The following AMPH variants were observed in gnomAD, a reference collection of about 807,000 sequenced individuals.
AMPH encodes the protein amphiphysin (Stiff-Mann syndrome with breast cancer 128kD autoantigen).
AMPH carries 49 observed loss-of-function variants against 99.1 expected under a neutral mutation model. The ratio of observed to expected loss-of-function variants is 0.49; its 90% CI spans 0.39 to 0.63. The LOEUF is 0.63. AMPH is among the 20% of genes least tolerant of loss of function. The probability of loss-of-function intolerance (pLI) is 0.00; values close to 1 mark genes in which losing one functional copy is unlikely to be tolerated. For missense variants in AMPH, 759 were observed against 863.4 expected, an observed-to-expected ratio of 0.88 and a Z score of 1.52; for synonymous variants, 314 against 317.3, an observed-to-expected ratio of 0.99 and a Z score of 0.11.
At chr7:38,402,799 T>C (rs1416504425) in intron 17 of AMPH, among the ~76,000 whole-genome samples, 1 of 152,232 alleles carries the variant, frequency 6.6e-6, no homozygotes, top group Non-Finnish European at 1.5e-5. Context: ...TTATACTTTG[T>C]TTTATGGAAA....
At chr7:38,429,108 T>A (rs1785899772) in intron 14 of AMPH, 1 of 1,290,212 alleles carries the variant, frequency 7.8e-7, no homozygotes, top group Non-Finnish European at 1.0e-6. Context: ...CTTCTGTTTC[T>A]CTTCCTCTTC....
intron 1 of AMPH, among the ~76,000 whole-genome samples, chr7:38,625,680 G>T (rs1407731171): frequency 6.6e-6 from 1 of 152,126 alleles, no homozygotes; most frequent in East Asian, 1.9e-4. Flanking sequence ...CACAAAAGAA[G>T]ATATCAAAAT....
intron 2 of AMPH, among the ~76,000 whole-genome samples, chr7:38,515,114 A>G (rs1789690068): frequency 6.6e-6 from 1 of 152,224 alleles, no homozygotes; most frequent in Non-Finnish European, 1.5e-5. Context: ...TGTCTCAGAC[A>G]AAAAAGAGGA....
At chr7:38,461,453 A>G in intron 10 of AMPH, 42 bp from the exon 11 acceptor site, 1 of 1,612,634 alleles carries the variant, frequency 6.2e-7, no homozygotes, top group Non-Finnish European at 8.5e-7. Flanking sequence ...GCCAAAGACA[A>G]TGTGTCAGAC....
intron 4 of AMPH, among the ~76,000 whole-genome samples, chr7:38,491,786 A>C (rs1788726789): frequency 6.6e-6 from 1 of 152,196 alleles, no homozygotes; most frequent in Admixed American, 6.5e-5. Flanking sequence ...AACTTGGCCA[A>C]GGTTATAAAG....
At chr7:38,555,007 A>C (rs1302554080) in intron 1 of AMPH, among the ~76,000 whole-genome samples, 1 of 152,214 alleles carries the variant, frequency 6.6e-6, no homozygotes, top group African/African-American at 2.4e-5. Flanking sequence ...GAGCATAAAG[A>C]AAAGTTGCCT....
chr7:38,496,592 G>A (rs565152812), intron 3 of AMPH, among the ~76,000 whole-genome samples: 3 of 152,106 alleles, frequency 2.0e-5, no homozygotes, highest in Non-Finnish European at 4.4e-5. Flanking sequence ...CCAACCCATC[G>A]CACTCTGAAT....
intron 13 of AMPH, among the ~76,000 whole-genome samples, chr7:38,430,221 A>C (rs899451266): frequency 1.3e-5 from 2 of 152,232 alleles, no homozygotes; most frequent in African/African-American, 4.8e-5. Flanking sequence ...AGAGGTCAAG[A>C]AATTACACAG....
At chr7:38,464,712 A>G in intron 9 of AMPH, among the ~76,000 whole-genome samples, 1 of 152,156 alleles carries the variant, frequency 6.6e-6, no homozygotes, top group Non-Finnish European at 1.5e-5. Flanking sequence ...GAGGTTTTGA[A>G]CTTACTCAAG....
At chr7:38,480,140 ATGAG>A (rs983127189) in intron 5 of AMPH, among the ~76,000 whole-genome samples, 1 of 152,152 alleles carries the variant, frequency 6.6e-6, no homozygotes, top group Non-Finnish European at 1.5e-5. Context: ...AACCTACAGA[ATGAG>A]TGTTTCAGGG....
chr7:38,473,812 CA>C (rs1302431593), intron 7 of AMPH, among the ~76,000 whole-genome samples: 2 of 142,576 alleles, frequency 1.4e-5, no homozygotes, highest in Non-Finnish European at 3.0e-5. Flanking sequence ...GCCATAGCAT[CA>C]TATAATTTGT....
chr7:38,503,712 A>T lies in AMPH; in HGVS notation c.151-8T>A. Reference sequence around the variant, plus strand: ...AAGTCTGGTACCCTCTGCCTAAAAAACACAAGCACAGATGCTAAATATCTA... The same window carrying T: ...AAGTCTGGTACCCTCTGCCTAAAAATCACAAGCACAGATGCTAAATATCTA... On this transcript the variant is annotated splice_polypyrimidine_tract_variant and splice_region_variant and intron_variant, in intron 2 of 20. Coordinates refer to ENST00000356264, the MANE Select transcript of AMPH (RefSeq NM_001635.4). The T allele has an allele frequency of 6.2e-7, 1 of 1,613,828 alleles. No individual in the cohort carries two copies. Among genetic ancestry groups the T allele is most frequent in the Non-Finnish European group, 8.5e-7 (1 of 1,179,758 alleles).
chr7:38,482,821 C>T (rs1318116353), intron 5 of AMPH, among the ~76,000 whole-genome samples: 3 of 152,070 alleles, frequency 2.0e-5, no homozygotes, highest in African/African-American at 4.8e-5. Context: ...TTAAGTATTG[C>T]TTTTAAGGAG....
chr7:38,422,298 A>G (rs1025542761), intron 16 of AMPH, 123 bp downstream of exon 16: 1 of 767,156 alleles, frequency 1.3e-6, no homozygotes, highest in Admixed American at 2.6e-5. Flanking sequence ...GTTTTCTAGA[A>G]AAGTACAGGA....
At chr7:38,522,936 C>T (rs1790025884) in intron 2 of AMPH, among the ~76,000 whole-genome samples, 1 of 151,736 alleles carries the variant, frequency 6.6e-6, no homozygotes, top group Non-Finnish European at 1.5e-5. Context: ...GTGAAACCCC[C>T]ATCTTTACTA....
intron 1 of AMPH, among the ~76,000 whole-genome samples, chr7:38,615,030 C>T (rs1277260422): frequency 6.6e-6 from 1 of 152,142 alleles, no homozygotes; most frequent in Non-Finnish European, 1.5e-5. Flanking sequence ...TGGAATTACT[C>T]CCCTACACTA....
At chr7:38,422,382 C>T in intron 16 of AMPH, 39 bp downstream of exon 16, 1 of 1,558,974 alleles carries the variant, frequency 6.4e-7, no homozygotes, top group Non-Finnish European at 8.8e-7. Flanking sequence ...TCAGTGATAA[C>T]TAACAACTTC....
At chr7:38,614,419 TA>T (rs1300977477) in intron 1 of AMPH, among the ~76,000 whole-genome samples, 1 of 152,112 alleles carries the variant, frequency 6.6e-6, no homozygotes, top group African/African-American at 2.4e-5. Flanking sequence ...AAGCTTAAAT[TA>T]AGTGGAAATC....
rs1584290243 is a variant in AMPH, at chr7:38,599,579, G to A, written c.69+31704C>T. On this transcript the variant is annotated intron_variant, in intron 1 of 20. Transcript: ENST00000356264. Reference sequence around the variant, plus strand: ...AGGCTATTAGTAATTAAGTTTTTGGGGAGTCAAAAATTACACGTAGATTTT... The same window carrying A: ...AGGCTATTAGTAATTAAGTTTTTGGAGAGTCAAAAATTACACGTAGATTTT... Among the ~76,000 whole-genome samples, 6 of 152,198 alleles carry A rather than the reference G, an allele frequency of 3.9e-5. No homozygotes were observed. In the East Asian group the frequency reaches 1.2e-3, roughly 29 times the overall value.
Sources: allele counts gnomAD v4.1 joint callset (sites outside exome capture counted in the v4.1 genomes callset), GRCh38; gene constraint gnomAD v4.1.1; transcripts MANE v1.5; gene names NCBI Gene and HGNC (gene_info 2026-07-23, HGNC 2026-07-21).